The following NHSL2 variants were observed in gnomAD, a reference collection of about 807,000 sequenced individuals.
The protein encoded by NHSL2 is NHS like 2.
A neutral mutation model predicts 53.4 loss-of-function variants in NHSL2; 27 were observed. The ratio of observed to expected loss-of-function variants is 0.51; its 90% CI spans 0.37 to 0.70. NHSL2 has a LOEUF of 0.70. Among genes scored for constraint, NHSL2 ranks in the 30% least tolerant of loss-of-function variants. NHSL2 has a pLI of 0.00. For synonymous variants in NHSL2, 408 were observed against 404.1 expected (o/e 1.01, Z -0.12); for missense variants, 892 against 980.1 (o/e 0.91, Z 1.20).
intron 2 of NHSL2, 173 bp from the exon 3 acceptor site, chrX:72,133,918 A>T: frequency 2.2e-6 from 1 of 445,838 alleles, no homozygotes; most frequent in Non-Finnish European, 3.8e-6. Flanking sequence ...GGTCCTGGGA[A>T]GCAAGCACTT....
chrX:71,916,157 T>G (rs1273712050), intron 1 of NHSL2, among the ~76,000 whole-genome samples: 1 of 111,843 alleles, frequency 8.9e-6, no homozygotes, highest in Non-Finnish European at 1.9e-5. Context: ...TCTTCTCCCT[T>G]GTAGCTTTCA....
intron 1 of NHSL2, among the ~76,000 whole-genome samples, chrX:72,124,805 T>G (rs2042209408): frequency 8.9e-6 from 1 of 112,093 alleles, no homozygotes. Flanking sequence ...AAGATTTTCC[T>G]TGCCTTCCTC....
chrX:72,036,627 C>CT (rs1357795418), intron 1 of NHSL2, among the ~76,000 whole-genome samples: 3 of 110,040 alleles, frequency 2.7e-5, no homozygotes, highest in Non-Finnish European at 3.8e-5. Flanking sequence ...AATCTTAGAT[C>CT]TTTTTTTTTC....
At chrX:72,067,481 G>C (rs1356167239) in intron 1 of NHSL2, among the ~76,000 whole-genome samples, 1 of 111,814 alleles carries the variant, frequency 8.9e-6, no homozygotes, top group Non-Finnish European at 1.9e-5. Context: ...TGAGCTTAAA[G>C]TCCATGTTTA....
At chrX:72,107,886 C>A (rs1225485304) in intron 1 of NHSL2, among the ~76,000 whole-genome samples, 2 of 111,934 alleles carry the variant, frequency 1.8e-5, no homozygotes, top group Non-Finnish European at 3.8e-5. Context: ...GTCAGCCAGC[C>A]TGAGGAACTG....
intron 1 of NHSL2, among the ~76,000 whole-genome samples, chrX:71,985,148 A>G (rs894464678): frequency 9.0e-6 from 1 of 111,316 alleles, no homozygotes; most frequent in African/African-American, 3.3e-5. Flanking sequence ...CATAGATGGA[A>G]TCTCAGATCT....
intron 1 of NHSL2, chrX:72,130,672 C>T (rs1013475859): frequency 5.0e-6 from 6 of 1,211,903 alleles, no homozygotes; most frequent in Non-Finnish European, 6.7e-6. Flanking sequence ...TTCTGTTGAC[C>T]ATAAGAGCTC....
chrX:71,925,748 A>G (rs918455966), intron 1 of NHSL2, among the ~76,000 whole-genome samples: 2 of 112,155 alleles, frequency 1.8e-5, no homozygotes, highest in East Asian at 5.5e-4. Flanking sequence ...CCTCACAATG[A>G]TTGCATGAAA....
At chrX:71,935,602 CTT>C (rs1404063121) in intron 1 of NHSL2, among the ~76,000 whole-genome samples, 1 of 112,536 alleles carries the variant, frequency 8.9e-6, no homozygotes, top group Non-Finnish European at 1.9e-5. Flanking sequence ...CACTCTGTAG[CTT>C]TAGTGTTTCT....
chrX:72,123,085 T>C (rs1484609796), intron 1 of NHSL2, among the ~76,000 whole-genome samples: 1 of 112,010 alleles, frequency 8.9e-6, no homozygotes. Flanking sequence ...GGAGGCAGTT[T>C]CGCGGAGGAA....
At chrX:71,911,473 C>T (rs1400405068) in intron 1 of NHSL2, 106 bp downstream of exon 1, 27 of 667,481 alleles carry the variant, frequency 4.0e-5, no homozygotes, top group Admixed American at 1.0e-4. Context: ...TCTCTCCGCC[C>T]CTCCCCTCCC....
At chrX:72,125,842 C>T (rs1158445991) in intron 1 of NHSL2, among the ~76,000 whole-genome samples, 1 of 112,237 alleles carries the variant, frequency 8.9e-6, no homozygotes, top group African/African-American at 3.2e-5. Context: ...CTGGTTCCCC[C>T]AGAGCTTCCA....
rs770734240 is a variant in NHSL2 at position 72,139,730 on chromosome X, A to G, written c.2182A>G (p.Met728Val). The G allele has an allele frequency of 5.0e-6, 6 of 1,208,196 alleles. No individual in the cohort carries two copies. In the African/African-American group the frequency reaches 8.8e-5, roughly 18 times the overall value. Residue 728 changes from methionine to valine, a missense_variant, in exon 6 of 8, where the codon ATG (methionine) becomes GTG (valine). By Grantham distance (21) the Met-to-Val change is conservative. Transcript: ENST00000633930. ...QSETPTPTVS[M>V]SLTLGHLPPP... ...GGAAACACCAACACCCACTGTTTCC[A>G]TGTCCCTGACCCTGGGCCACTTACC... is the stretch of plus-strand genomic sequence containing the variant.
At position 72,140,866 on chromosome X, in the gene NHSL2, T is replaced by C. The variant is rs1353416890; in HGVS notation, c.3223+95T>C. The stretch of plus-strand genomic sequence containing the variant: ...GATGGAAGCAGATGCCCCAGAATAA[T>C]TATCCTGATCCCAAGTCAGTAGCGG... On this transcript the variant is annotated intron_variant, in intron 6 of 7. Transcript: ENST00000633930. The C allele has an allele frequency of 6.6e-6, 5 of 754,186 alleles. No individual in the cohort carries two copies. In the South Asian group the frequency reaches 1.1e-4, roughly 17 times the overall value. The allele number at this position is 754,186 out of a possible 1,213,427, so 62.2% of individuals were successfully genotyped here. A position where few individuals can be genotyped will look rare whatever the true frequency, so the allele number is the denominator to read the frequency against.
intron 1 of NHSL2, among the ~76,000 whole-genome samples, chrX:71,958,718 G>T (rs1314549674): frequency 1.8e-5 from 2 of 112,467 alleles, no homozygotes; most frequent in African/African-American, 6.5e-5. Flanking sequence ...AGAGGCAGTT[G>T]GTTGCTGTTA....
intron 1 of NHSL2, among the ~76,000 whole-genome samples, chrX:71,991,818 T>TCTC (rs778925898): frequency 1.0e-5 from 1 of 99,858 alleles, no homozygotes; most frequent in Non-Finnish European, 2.0e-5. Flanking sequence ...GTCTTTCTCT[T>TCTC]TCTCTCTCTC....
At chrX:71,930,426 A>G (rs780313555) in intron 1 of NHSL2, among the ~76,000 whole-genome samples, 2 of 112,542 alleles carry the variant, frequency 1.8e-5, no homozygotes, top group Non-Finnish European at 3.8e-5. Context: ...TCCCCCATTT[A>G]AAGTGTATAA....
chrX:72,071,200 A>G (rs1247244614), intron 1 of NHSL2, among the ~76,000 whole-genome samples: 1 of 111,707 alleles, frequency 9.0e-6, no homozygotes, highest in Non-Finnish European at 1.9e-5. Flanking sequence ...TGGTGGACTG[A>G]GCCAAAGAAT....
chrX:72,101,288 G>A (rs1018961756), intron 1 of NHSL2, among the ~76,000 whole-genome samples: 3 of 110,172 alleles, frequency 2.7e-5, no homozygotes, highest in African/African-American at 9.9e-5. Context: ...TCGCATCAGG[G>A]TTTGAGCTCG....
Sources: gnomAD v4.1 joint callset for allele counts (sites outside exome capture counted in the v4.1 genomes callset) on GRCh38, gnomAD v4.1.1 for gene constraint, MANE v1.5 for transcripts, NCBI Gene and HGNC (gene_info 2026-07-23, HGNC 2026-07-21) for gene names.